The following ST18 variants were observed in gnomAD, a reference collection of about 807,000 sequenced individuals.
ST18 encodes suppression of tumorigenicity 18 protein.
In ST18, 50 loss-of-function variants were observed where a neutral mutation model predicts 110.0. That is an observed-to-expected ratio of 0.45 (90% confidence interval 0.36 to 0.58). The LOEUF is 0.58. Among genes scored for constraint, ST18 ranks in the 20% least tolerant of loss-of-function variants. The pLI is 0.00. For synonymous variants in ST18, 461 were observed against 452.4 expected (o/e 1.02, Z -0.24); for missense variants, 1,306 against 1,280.1 (o/e 1.02, Z -0.31).
chr8:52,268,963 G>T (rs1216441215), intron 2 of ST18, among the ~76,000 whole-genome samples: 1 of 152,192 alleles, frequency 6.6e-6, no homozygotes, highest in East Asian at 1.9e-4. Flanking sequence ...AGTGCCCTCC[G>T]CAGCATCTTC....
In ST18 at chr8:52,112,411, G is replaced by C. The variant is rs569784186; in HGVS notation, c.*787C>G. 133 of 152,630 alleles carry C rather than the reference G, an allele frequency of 8.7e-4. No individual in the cohort carries two copies. Among genetic ancestry groups the C allele is most frequent in the African/African-American group, 3.2e-3 (132 of 41,516 alleles). The allele number at this position is 152,630 out of a possible 1,614,324, so 9.5% of individuals were successfully genotyped here. ...CAGACAAATCTGCATCACTAAAAAG[G>C]CTTATGTTTCTTTAAAACATTTCAA... On this transcript the variant is annotated 3_prime_UTR_variant, in exon 26 of 26. Coordinates refer to ENST00000689386, the MANE Select transcript of ST18 (RefSeq NM_001352837.2).
intron 2 of ST18, among the ~76,000 whole-genome samples, chr8:52,385,887 G>A (rs929618710): frequency 1.3e-5 from 2 of 152,166 alleles, no homozygotes; most frequent in Non-Finnish European, 2.9e-5. Context: ...TTCTGCACTT[G>A]GTTTGAGAAT....
At chr8:52,395,672 C>T (rs1041807321) in intron 2 of ST18, among the ~76,000 whole-genome samples, 36 of 152,142 alleles carry the variant, frequency 2.4e-4, no homozygotes, top group Non-Finnish European at 1.2e-4. Context: ...GATCCAAATT[C>T]AGAAAACGTT....
At chr8:52,212,956 C>A (rs1390276841) in intron 7 of ST18, among the ~76,000 whole-genome samples, 1 of 152,142 alleles carries the variant, frequency 6.6e-6, no homozygotes. Context: ...CTCTAGCATG[C>A]TGATATTTAT....
intron 2 of ST18, among the ~76,000 whole-genome samples, chr8:52,326,693 G>C (rs1296106636): frequency 6.6e-6 from 1 of 152,132 alleles, no homozygotes; most frequent in Non-Finnish European, 1.5e-5. Flanking sequence ...CAGCTGAAAG[G>C]CCCAGAAGCC....
At chr8:52,161,659 A>G in intron 13 of ST18, 91 bp from the exon 14 acceptor site, 1 of 1,398,320 alleles carries the variant, frequency 7.2e-7, no homozygotes, top group Non-Finnish European at 9.8e-7. Context: ...TACATGTGTC[A>G]CTCCTGAAGG....
intron 12 of ST18, 88 bp from the exon 13 acceptor site, chr8:52,164,178 C>T: frequency 9.3e-7 from 1 of 1,070,022 alleles, no homozygotes; most frequent in Non-Finnish European, 1.4e-6. Context: ...ACTTGGCACA[C>T]ACTAAATGTT....
chr8:52,207,573 C>T (rs1017789162), intron 8 of ST18, among the ~76,000 whole-genome samples: 1 of 152,126 alleles, frequency 6.6e-6, no homozygotes, highest in Admixed American at 6.5e-5. Context: ...TTAAAACTTA[C>T]AGGAAAATGC....
intron 2 of ST18, among the ~76,000 whole-genome samples, chr8:52,291,019 C>T (rs953063555): frequency 1.6e-4 from 24 of 152,170 alleles, no homozygotes; most frequent in Admixed American, 6.5e-5. Context: ...AACATCACCC[C>T]GCAGTCACCC....
At chr8:52,272,581 T>C (rs1255672168) in intron 2 of ST18, among the ~76,000 whole-genome samples, 1 of 146,376 alleles carries the variant, frequency 6.8e-6, no homozygotes, top group Non-Finnish European at 1.5e-5. Flanking sequence ...GTTGCAAGGA[T>C]ATGGAGAAAA....
intron 2 of ST18, among the ~76,000 whole-genome samples, chr8:52,393,227 A>G (rs1023686051): frequency 1.3e-5 from 2 of 152,200 alleles, no homozygotes; most frequent in Non-Finnish European, 2.9e-5. Flanking sequence ...TAATCAACTC[A>G]AAATAGGAAA....
At chr8:52,168,761 C>T (rs1428788882) in intron 10 of ST18, among the ~76,000 whole-genome samples, 2 of 152,088 alleles carry the variant, frequency 1.3e-5, no homozygotes, top group Non-Finnish European at 2.9e-5. Flanking sequence ...TTTTGTGATG[C>T]TCCATGATTT....
intron 16 of ST18, among the ~76,000 whole-genome samples, chr8:52,146,015 T>G (rs1158636115): frequency 6.6e-6 from 1 of 152,156 alleles, no homozygotes; most frequent in Non-Finnish European, 1.5e-5. Context: ...ATTAAGCAAC[T>G]GTTGTGCATA....
intron 2 of ST18, among the ~76,000 whole-genome samples, chr8:52,271,023 C>G (rs1021753342): frequency 2.0e-5 from 3 of 151,836 alleles, no homozygotes; most frequent in African/African-American, 7.3e-5. Flanking sequence ...CTCAGCCTCC[C>G]GAGTAGCTGG....
chr8:52,187,137 T>C (rs2072612557), intron 8 of ST18, among the ~76,000 whole-genome samples: 3 of 152,212 alleles, frequency 2.0e-5, no homozygotes, highest in African/African-American at 7.2e-5. Context: ...AAAGTATTTA[T>C]AGACTAAAGT....
chr8:52,324,044 C>T (rs2139955238), intron 2 of ST18, among the ~76,000 whole-genome samples: 1 of 152,306 alleles, frequency 6.6e-6, no homozygotes, highest in Admixed American at 6.5e-5. Flanking sequence ...TGAAGCTCAA[C>T]CCTTGTTCCT....
intron 8 of ST18, among the ~76,000 whole-genome samples, chr8:52,189,382 A>T (rs1463855235): frequency 2.0e-5 from 3 of 152,212 alleles, no homozygotes. Flanking sequence ...AATGGCCCAC[A>T]CTAATCAGTG....
chr8:52,376,748 G>A (rs536159727), intron 2 of ST18, among the ~76,000 whole-genome samples: 1 of 152,258 alleles, frequency 6.6e-6, no homozygotes, highest in East Asian at 1.9e-4. Flanking sequence ...TGTTCTCTAG[G>A]GAGGACAGGA....
At chr8:52,221,127 CTATCTAT>C (rs1564147302) in intron 4 of ST18, among the ~76,000 whole-genome samples, 30 of 151,972 alleles carry the variant, frequency 2.0e-4, no homozygotes, top group African/African-American at 6.8e-4. Context: ...ATCTATCTAT[CTATCTAT>C]CTACCTACCA....
Sources: allele counts gnomAD v4.1 joint callset (sites outside exome capture counted in the v4.1 genomes callset), GRCh38; gene constraint gnomAD v4.1.1; transcripts MANE v1.5; gene names NCBI Gene and HGNC (gene_info 2026-07-23, HGNC 2026-07-21).